GRB2: variants seen among roughly 807,000 people sequenced by gnomAD.
GRB2 encodes growth factor receptor-bound protein 2.
Under a neutral mutation model 27.4 loss-of-function variants are expected in GRB2, and 2 were observed. That is an observed-to-expected ratio of 0.07 (90% confidence interval 0.03 to 0.23). The LOEUF is 0.23. Ranked by LOEUF, GRB2 falls within the 10% of genes least tolerant of loss-of-function variation. The pLI, the probability that GRB2 is intolerant of heterozygous loss-of-function variation, is 1.00. For missense variants in GRB2, 102 were observed against 282.4 expected (o/e 0.36, Z 4.58); for synonymous variants, 94 against 99.6 (o/e 0.94, Z 0.33).
rs1273437455 is a variant in GRB2, at chr17:75,320,926, T to TA, written c.469-374dup. ...CCCTTCTACGACACCCTTAAGGTATTAAAGCCTAAAGTTCTGGAGCTCGAA... is the reference window on the plus strand; with the variant it reads ...CCCTTCTACGACACCCTTAAGGTATTAAAAGCCTAAAGTTCTGGAGCTCGAA... On this transcript the variant is annotated intron_variant, in intron 5 of 5. Coordinates refer to ENST00000316804, the MANE Select transcript of GRB2 (RefSeq NM_002086.5). This position sits in a 1 kb window ranked among gnomAD's most constrained non-coding sequence, Gnocchi z 4.3. Among the ~76,000 whole-genome samples the TA allele has an allele frequency of 1.3e-5, 2 of 152,138 alleles. No homozygotes were observed. The highest frequency in any genetic ancestry group is 4.8e-5 in the African/African-American group (2 of 41,418).
intron 2 of GRB2, among the ~76,000 whole-genome samples, chr17:75,352,251 T>C (rs918371622): frequency 6.6e-6 from 1 of 152,188 alleles, no homozygotes; most frequent in Non-Finnish European, 1.5e-5. Context: ...GGCACCATCA[T>C]GAAGAGACAA....
chr17:75,328,141 T>G (rs2078512562), intron 3 of GRB2, among the ~76,000 whole-genome samples: 2 of 151,446 alleles, frequency 1.3e-5, no homozygotes, highest in African/African-American at 4.9e-5. Flanking sequence ...CTGGCCAACG[T>G]GGTGAAACCC....
intron 2 of GRB2, among the ~76,000 whole-genome samples, chr17:75,377,784 G>A (rs965830397): frequency 3.3e-5 from 5 of 152,004 alleles, no homozygotes; most frequent in African/African-American, 1.2e-4. Context: ...GCACACGCCT[G>A]TAGTCCCAGC....
intron 2 of GRB2, among the ~76,000 whole-genome samples, chr17:75,344,007 G>A (rs949979008): frequency 2.0e-5 from 3 of 152,208 alleles, no homozygotes; most frequent in African/African-American, 7.2e-5. Flanking sequence ...AGGAGCTTAG[G>A]GGACTAGAAA....
At chr17:75,342,154 T>C (rs1412893425) in intron 2 of GRB2, among the ~76,000 whole-genome samples, 1 of 152,194 alleles carries the variant, frequency 6.6e-6, no homozygotes, top group Non-Finnish European at 1.5e-5. Context: ...TAGTATTTAA[T>C]GGAGGATTAC....
intron 2 of GRB2, among the ~76,000 whole-genome samples, chr17:75,337,911 T>C (rs1394458457): frequency 3.0e-5 from 4 of 132,860 alleles, no homozygotes; most frequent in South Asian, 2.4e-4. Context: ...CTATTATTAT[T>C]ATTATTATTA....
intron 2 of GRB2, among the ~76,000 whole-genome samples, chr17:75,358,899 T>TATATA (rs1182151184): frequency 8.0e-4 from 62 of 77,528 alleles, no homozygotes; most frequent in East Asian, 1.4e-3. Flanking sequence ...AAAAAAAAAA[T>TATATA]TATATATATA....
chr17:75,328,952 T>A (rs1390784286), intron 3 of GRB2, among the ~76,000 whole-genome samples: 1 of 150,928 alleles, frequency 6.6e-6, no homozygotes, highest in African/African-American at 2.4e-5. Flanking sequence ...AATAAATAAA[T>A]AAATAAATAA....
At chr17:75,396,954 T>C (rs1246924555) in intron 1 of GRB2, among the ~76,000 whole-genome samples, 1 of 152,210 alleles carries the variant, frequency 6.6e-6, no homozygotes, top group Non-Finnish European at 1.5e-5. Context: ...TTAAGACAGC[T>C]GCAATGTTAC....
rs1231723843 is a variant in GRB2, at chr17:75,318,238, C to T, written c.*2130G>A. 1 of 152,092 alleles carries T rather than the reference C, an allele frequency of 6.6e-6. No homozygotes were observed. The highest frequency in any genetic ancestry group is 6.6e-5 in the Admixed American group (1 of 15,254). The allele number at this position is 152,092 out of a possible 1,614,324, so 9.4% of individuals were successfully genotyped here. A position where few individuals can be genotyped will look rare whatever the true frequency, so the allele number is the denominator to read the frequency against. ...TTCAGCAAGGCTTCATGATATACAC[C>T]AATTCCAAAATAAAACAATCAAATG... is the stretch of plus-strand genomic sequence containing the variant. On this transcript the variant is annotated 3_prime_UTR_variant, in exon 6 of 6. Coordinates refer to ENST00000316804, the MANE Select transcript of GRB2 (RefSeq NM_002086.5).
At chr17:75,323,330 T>C (rs1284568401) in intron 4 of GRB2, among the ~76,000 whole-genome samples, 1 of 152,034 alleles carries the variant, frequency 6.6e-6, no homozygotes, top group Non-Finnish European at 1.5e-5. Flanking sequence ...TAAGACAAAA[T>C]GTGGAAGGTG....
chr17:75,399,999 T>C (rs1567878594), intron 1 of GRB2, among the ~76,000 whole-genome samples: 2 of 151,544 alleles, frequency 1.3e-5, no homozygotes, highest in Non-Finnish European at 2.9e-5. Context: ...TATTAATACA[T>C]ACTCTTTTTT....
intron 2 of GRB2, among the ~76,000 whole-genome samples, chr17:75,384,923 C>A (rs867977952): frequency 6.9e-6 from 1 of 145,528 alleles, no homozygotes; most frequent in Non-Finnish European, 1.5e-5. Context: ...AGAGGCCGGG[C>A]GCGGTAGCTC....
At chr17:75,326,329 T>TC in intron 3 of GRB2, 1 of 334,834 alleles carries the variant, frequency 3.0e-6, no homozygotes, top group Non-Finnish European at 5.6e-6. Context: ...CCCTACTGAC[T>TC]CATGACAAAG....
chr17:75,320,799 C>G lies in GRB2; in HGVS notation c.469-246G>C, dbSNP rs41282071. Among the ~76,000 whole-genome samples, 7,843 of 152,064 alleles carry G rather than the reference C, an allele frequency of 0.052. 327 individuals are homozygous for G. The highest frequency in any genetic ancestry group is 0.19 in the East Asian group (993 of 5,180). Reference sequence around the variant, plus strand: ...AGTATGTCTCCCAGAGGAGGGTGGCCAACTGTGCCGTATTATCAAGTAGAG... The same window carrying G: ...AGTATGTCTCCCAGAGGAGGGTGGCGAACTGTGCCGTATTATCAAGTAGAG... On this transcript the variant is annotated intron_variant, in intron 5 of 5. Transcript: ENST00000316804. The surrounding 1 kb of genome is among the most constrained non-coding windows in gnomAD (Gnocchi z 4.3).
intron 4 of GRB2, among the ~76,000 whole-genome samples, 192 bp from the exon 5 acceptor site, chr17:75,322,019 A>G (rs2078463591): frequency 1.3e-5 from 2 of 152,180 alleles, no homozygotes; most frequent in African/African-American, 4.8e-5. Context: ...CACCAGGACA[A>G]CATCCAGAAA....
At chr17:75,335,797 TTCTAG>T (rs2078573189) in intron 2 of GRB2, among the ~76,000 whole-genome samples, 1 of 152,214 alleles carries the variant, frequency 6.6e-6, no homozygotes, top group Admixed American at 6.5e-5. Context: ...GAAAACTTTC[TTCTAG>T]TCATCATTTT....
chr17:75,379,823 G>A (rs1045718536), intron 2 of GRB2, among the ~76,000 whole-genome samples: 6 of 152,142 alleles, frequency 3.9e-5, no homozygotes, highest in African/African-American at 1.4e-4. Context: ...ATTTTGACTG[G>A]AGCTAAAAAT....
intron 1 of GRB2, among the ~76,000 whole-genome samples, chr17:75,399,702 C>T (rs1218754482): frequency 4.0e-5 from 6 of 148,600 alleles, no homozygotes; most frequent in African/African-American, 1.2e-4. Flanking sequence ...GACAGAGTCT[C>T]GCTCTGTCGC....
Sources: gnomAD v4.1 joint callset for allele counts (sites outside exome capture counted in the v4.1 genomes callset) on GRCh38, gnomAD v4.1.1 for gene constraint, Gnocchi (gnomAD v3.1) non-coding constraint, MANE v1.5 for transcripts, NCBI Gene and HGNC (gene_info 2026-07-23, HGNC 2026-07-21) for gene names.